Variants in PCDH15 observed in about 807,000 individuals in gnomAD.
The protein encoded by PCDH15 is protocadherin-15.
A neutral mutation model predicts 178.5 loss-of-function variants in PCDH15; 129 were observed. That is an observed-to-expected ratio of 0.72 (90% CI 0.63 to 0.84). PCDH15 has a LOEUF of 0.84. Ranked by LOEUF, PCDH15 falls within the 40% of genes least tolerant of loss-of-function variation. PCDH15 has a pLI of 0.00. For synonymous variants in PCDH15, 800 were observed against 732.0 expected, an observed-to-expected ratio of 1.09 and a Z score of -1.50; for missense variants, 2,230 against 2,099.9, an observed-to-expected ratio of 1.06 and a Z score of -1.21.
chr10:54,806,125 C>A (rs1374799845), upstream of PCDH15, among the ~76,000 whole-genome samples: 1 of 152,000 alleles, frequency 6.6e-6, no homozygotes, highest in Non-Finnish European at 1.5e-5. Flanking sequence ...CTTATACTTT[C>A]CTTAGGAATA....
At chr10:53,967,637 C>T (rs1035241648) in intron 21 of PCDH15, among the ~76,000 whole-genome samples, 2 of 152,200 alleles carry the variant, frequency 1.3e-5, no homozygotes, top group East Asian at 3.9e-4. Context: ...AGACAGAAGT[C>T]TCTTTTATAT....
chr10:55,054,568 G>A, intron 2 of PCDH15, among the ~76,000 whole-genome samples: 1 of 152,240 alleles, frequency 6.6e-6, no homozygotes, highest in Admixed American at 6.5e-5. Context: ...GGGTCAAATA[G>A]CTTTTCTATT....
intron 2 of PCDH15, among the ~76,000 whole-genome samples, chr10:55,421,201 A>G (rs1295186586): frequency 6.6e-6 from 1 of 151,544 alleles, no homozygotes; most frequent in Non-Finnish European, 1.5e-5. Context: ...GATTACTCAC[A>G]GAACCTTTTA....
At chr10:55,384,568 A>C (rs1334223051) in intron 2 of PCDH15, among the ~76,000 whole-genome samples, 2 of 152,114 alleles carry the variant, frequency 1.3e-5, no homozygotes, top group Non-Finnish European at 1.5e-5. Flanking sequence ...GAAGAAAAGA[A>C]AAGACTCTTA....
intron 2 of PCDH15, among the ~76,000 whole-genome samples, chr10:54,983,044 A>T (rs542598732): frequency 6.6e-6 from 1 of 152,280 alleles, no homozygotes; most frequent in South Asian, 2.1e-4. Flanking sequence ...TGTTCTGAAC[A>T]ATCAAGGAAT....
At chr10:53,950,551 A>G (rs914433809) in intron 23 of PCDH15, among the ~76,000 whole-genome samples, 1 of 152,154 alleles carries the variant, frequency 6.6e-6, no homozygotes, top group Admixed American at 6.6e-5. Context: ...TCCCACTCAA[A>G]ATCAATATTC....
chr10:55,484,694 C>T (rs982292415), intron 2 of PCDH15, among the ~76,000 whole-genome samples: 1 of 151,624 alleles, frequency 6.6e-6, no homozygotes, highest in Non-Finnish European at 1.5e-5. Context: ...AAAACAGACA[C>T]CAGAGAAACA....
chr10:54,979,130 C>G (rs1003217717), intron 2 of PCDH15, among the ~76,000 whole-genome samples: 3 of 152,000 alleles, frequency 2.0e-5, no homozygotes, highest in African/African-American at 7.2e-5. Flanking sequence ...AGTGATATGG[C>G]TCCAAAGCTA....
At chr10:55,040,523 C>CAACAACAACAAA (rs976321699) in intron 2 of PCDH15, among the ~76,000 whole-genome samples, 1 of 151,052 alleles carries the variant, frequency 6.6e-6, no homozygotes, top group Non-Finnish European at 1.5e-5. Flanking sequence ...ACAACAACAA[C>CAACAACAACAAA]AAAAACACAG....
Position 53,806,856 on chromosome 10 carries a change from A to C in PCDH15, c.4946T>G (p.Val1649Gly). ...DKLAVTHEEN[V>G]PLNTLSKGPF... ...CCCCTTTGATAATGTGTTCAGAGGT[A>C]CATTCTCCTCATGTGTCACTGCCAA... The change falls in exon 38 of 38, where the codon GTA becomes GGA. Residue 1649 changes from valine to glycine, a missense_variant. Transcript: ENST00000644397. The C allele has an allele frequency of 6.2e-7, 1 of 1,613,906 alleles. No homozygotes were observed.
chr10:55,412,430 T>G (rs895299564), intron 2 of PCDH15, among the ~76,000 whole-genome samples: 2 of 151,996 alleles, frequency 1.3e-5, no homozygotes, highest in African/African-American at 4.8e-5. Flanking sequence ...AAAGCATGCC[T>G]GCATATGTGC....
intron 3 of PCDH15, among the ~76,000 whole-genome samples, chr10:54,836,251 A>C (rs1277955543): frequency 6.6e-6 from 1 of 152,186 alleles, no homozygotes; most frequent in South Asian, 2.1e-4. Flanking sequence ...CCAAGGCTTT[A>C]AACTCAGTAG....
chr10:54,615,996 A>G (rs1016471456), intron 2 of PCDH15, among the ~76,000 whole-genome samples: 18 of 152,118 alleles, frequency 1.2e-4, no homozygotes, highest in Admixed American at 1.3e-4. Context: ...CTATACTTGG[A>G]AATTGTTGCT....
upstream of PCDH15, among the ~76,000 whole-genome samples, chr10:55,323,700 T>C (rs1843961315): frequency 6.6e-6 from 1 of 152,182 alleles, no homozygotes; most frequent in African/African-American, 2.4e-5. Flanking sequence ...AGGAAGTAAC[T>C]AACTTGCTTT....
intron 2 of PCDH15, among the ~76,000 whole-genome samples, chr10:55,605,676 G>C (rs77604688): frequency 0.32 from 41,363 of 127,600 alleles, 5,902 homozygotes; most frequent in East Asian, 0.45. Flanking sequence ...TGCAGAAAAG[G>C]CCTTTGACAA....
At chr10:54,419,390 C>T (rs565316436) in intron 3 of PCDH15, among the ~76,000 whole-genome samples, 32 of 152,000 alleles carry the variant, frequency 2.1e-4, no homozygotes, top group Admixed American at 1.9e-3. Flanking sequence ...TTTTGTGTAG[C>T]TCTACCTCTA....
intron 5 of PCDH15, among the ~76,000 whole-genome samples, chr10:54,359,817 A>C (rs1945712084): frequency 1.4e-5 from 2 of 147,468 alleles, no homozygotes; most frequent in African/African-American, 5.3e-5. Context: ...TTAAAATTTC[A>C]AAGAAAAGCT....
At chr10:54,024,706 C>T (rs143689742) in intron 18 of PCDH15, among the ~76,000 whole-genome samples, 94 of 152,174 alleles carry the variant, frequency 6.2e-4, no homozygotes, top group South Asian at 1.7e-3. Context: ...AGAAAAAATA[C>T]GGTGACAGAG....
intron 2 of PCDH15, among the ~76,000 whole-genome samples, chr10:55,151,520 G>C (rs867303867): frequency 6.6e-6 from 1 of 151,978 alleles, no homozygotes; most frequent in East Asian, 1.9e-4. Context: ...CTCTTTTCCA[G>C]TTTTGTGGTT....
Sources: allele counts gnomAD v4.1 joint callset (sites outside exome capture counted in the v4.1 genomes callset), GRCh38; gene constraint gnomAD v4.1.1; transcripts MANE v1.5; gene names NCBI Gene and HGNC (gene_info 2026-07-23, HGNC 2026-07-21).